Variants in SORCS3 observed in about 807,000 individuals in gnomAD.
The protein encoded by SORCS3 is sortilin related VPS10 domain containing receptor 3.
A neutral mutation model predicts 146.3 loss-of-function variants in SORCS3; 57 were observed. The ratio of observed to expected loss-of-function variants is 0.39; its 90% confidence interval spans 0.31 to 0.49. The LOEUF (loss-of-function observed/expected upper bound fraction) is 0.49, where lower values mean the gene tolerates loss of function less well. Ranked by LOEUF, SORCS3 falls within the 20% of genes least tolerant of loss-of-function variation. The pLI, the probability that SORCS3 is intolerant of heterozygous loss-of-function variation, is 0.92. For missense variants in SORCS3, 1,341 were observed against 1,575.5 expected (o/e 0.85, Z 2.52); for synonymous variants, 653 against 618.5 (o/e 1.06, Z -0.83).
intron 3 of SORCS3, among the ~76,000 whole-genome samples, chr10:104,939,174 AAGG>A (rs2019287948): frequency 2.0e-5 from 3 of 152,220 alleles, no homozygotes; most frequent in Non-Finnish European, 4.4e-5. Flanking sequence ...GGAGACGAGG[AAGG>A]AGGAGTAAAG....
intron 3 of SORCS3, among the ~76,000 whole-genome samples, 175 bp from the exon 4 acceptor site, chr10:104,977,160 G>A (rs910696429): frequency 1.1e-4 from 16 of 151,922 alleles, no homozygotes; most frequent in East Asian, 1.9e-4. Context: ...ACCTCAATTC[G>A]ACAATGAGAG....
intron 1 of SORCS3, among the ~76,000 whole-genome samples, chr10:104,643,468 G>T (rs1160335302): frequency 2.0e-5 from 3 of 152,208 alleles, no homozygotes; most frequent in Admixed American, 2.0e-4. Flanking sequence ...GTCCAGCTTC[G>T]CAGCAGCGCG....
chr10:105,224,978 G>T (rs999620765), intron 20 of SORCS3, among the ~76,000 whole-genome samples: 4 of 151,960 alleles, frequency 2.6e-5, no homozygotes, highest in African/African-American at 9.7e-5. Context: ...TATATTATTG[G>T]ATAATCTTTT....
chr10:104,981,432 A>T (rs955744256), intron 4 of SORCS3, among the ~76,000 whole-genome samples: 1 of 152,226 alleles, frequency 6.6e-6, no homozygotes, highest in Non-Finnish European at 1.5e-5. Flanking sequence ...CAAAAGCTCT[A>T]TAACTTCTTT....
At chr10:105,159,129 T>C in intron 11 of SORCS3, 135 bp downstream of exon 11, 1 of 602,420 alleles carries the variant, frequency 1.7e-6, no homozygotes, top group East Asian at 2.9e-5. Flanking sequence ...TATGCAGGGT[T>C]CCTCAATACC....
chr10:104,785,058 G>A (rs1445035333), intron 1 of SORCS3, among the ~76,000 whole-genome samples: 1 of 151,194 alleles, frequency 6.6e-6, no homozygotes, highest in Non-Finnish European at 1.5e-5. Context: ...CGGATGGGGC[G>A]GCTGGCCGGG....
Position 104,865,930 on chromosome 10 carries a change from G to T in SORCS3, c.695+23071G>T, listed in dbSNP as rs578021258. ...CTGTCCTTGGTGATGAGTCTTCATG[G>T]GAAGGAGGCATGTAGGGGTCAGAGA... On this transcript the variant is annotated intron_variant, in intron 2 of 26. Transcript: ENST00000369701. 9.2e-5 allele frequency among the ~76,000 whole-genome samples: 14 copies of T among 152,284 alleles called. No individual in the cohort carries two copies. In the East Asian group the frequency reaches 1.9e-3, roughly 21 times the overall value.
intron 7 of SORCS3, among the ~76,000 whole-genome samples, chr10:105,126,564 T>C (rs1045927959): frequency 1.3e-5 from 2 of 152,170 alleles, no homozygotes; most frequent in African/African-American, 4.8e-5. Context: ...CATACAACAC[T>C]GTGGGTATGT....
chr10:104,709,998 C>A (rs2016393399), intron 1 of SORCS3, among the ~76,000 whole-genome samples: 1 of 151,978 alleles, frequency 6.6e-6, no homozygotes, highest in Non-Finnish European at 1.5e-5. Flanking sequence ...CTTACTGCTG[C>A]CAACACATCA....
At position 104,641,408 on chromosome 10, in the gene SORCS3, G is replaced by A. The variant is rs531369089; in HGVS notation, c.81G>A (p.Thr27=). 205 of 1,463,044 alleles carry A rather than the reference G, an allele frequency of 1.4e-4. No homozygotes were observed. In the African/African-American group the frequency reaches 2.7e-3, roughly 20 times the overall value. The allele number at this position is 1,463,044 out of a possible 1,614,324, so 90.6% of individuals were successfully genotyped here. A position where few individuals can be genotyped will look rare whatever the true frequency, so the allele number is the denominator to read the frequency against. Residue 27 remains threonine, a synonymous_variant, in exon 1 of 27, where the codon ACG becomes ACA. Coordinates refer to ENST00000369701, the MANE Select transcript of SORCS3 (RefSeq NM_014978.3). The surrounding 1 kb of genome is among the most constrained non-coding windows in gnomAD (Gnocchi z 6.4). ...GGACGGGGCTCCTACTCTTGTCGAC[G>A]TGGGTCCTGGCCGGCGCCGAGATCA... The part of the protein sequence containing the change: ...LVRTGLLLLS[T]WVLAGAEITW...
chr10:104,970,647 A>C (rs537253826), intron 3 of SORCS3, among the ~76,000 whole-genome samples: 1 of 152,272 alleles, frequency 6.6e-6, no homozygotes, highest in East Asian at 1.9e-4. Flanking sequence ...AAAAAAAGTC[A>C]TTATACTGCT....
intron 14 of SORCS3, among the ~76,000 whole-genome samples, chr10:105,197,362 G>T (rs1239143969): frequency 6.6e-6 from 1 of 152,072 alleles, no homozygotes; most frequent in Non-Finnish European, 1.5e-5. Flanking sequence ...GTACTTATGT[G>T]CCATTAAGCA....
chr10:104,766,734 C>T (rs2017184418), intron 1 of SORCS3, among the ~76,000 whole-genome samples: 1 of 152,200 alleles, frequency 6.6e-6, no homozygotes, highest in African/African-American at 2.4e-5. Context: ...GAAGGAAAAG[C>T]AGAGAGCACA....
intron 4 of SORCS3, among the ~76,000 whole-genome samples, chr10:105,019,869 G>A (rs1352833596): frequency 6.6e-6 from 1 of 152,168 alleles, no homozygotes; most frequent in Non-Finnish European, 1.5e-5. Context: ...TGTAATTATT[G>A]CTGAATTAAA....
intron 3 of SORCS3, among the ~76,000 whole-genome samples, chr10:104,966,394 C>G (rs1265415529): frequency 6.6e-6 from 1 of 152,180 alleles, no homozygotes; most frequent in Non-Finnish European, 1.5e-5. Flanking sequence ...GTTTTATACT[C>G]TAAGAGCTCA....
intron 4 of SORCS3, among the ~76,000 whole-genome samples, chr10:105,013,110 A>T (rs1175740018): frequency 6.6e-6 from 1 of 152,198 alleles, no homozygotes; most frequent in Non-Finnish European, 1.5e-5. Flanking sequence ...GAAAAACTAC[A>T]TCAGTCTCTC....
At chr10:104,709,074 C>T (rs2016382660) in intron 1 of SORCS3, among the ~76,000 whole-genome samples, 1 of 152,232 alleles carries the variant, frequency 6.6e-6, no homozygotes, top group Non-Finnish European at 1.5e-5. Context: ...GTCTAGCCCT[C>T]CAGTCTCTCA....
At chr10:104,903,095 G>A (rs1407647360) in intron 2 of SORCS3, among the ~76,000 whole-genome samples, 1 of 152,150 alleles carries the variant, frequency 6.6e-6, no homozygotes, top group Non-Finnish European at 1.5e-5. Context: ...ATATGACCTG[G>A]GTTCAAGTTC....
At chr10:104,769,218 A>G (rs576611713) in intron 1 of SORCS3, among the ~76,000 whole-genome samples, 4 of 152,304 alleles carry the variant, frequency 2.6e-5, no homozygotes, top group African/African-American at 9.6e-5. Flanking sequence ...TTCAGGAGAA[A>G]TGACACTCCT....
Sources: allele counts gnomAD v4.1 joint callset (sites outside exome capture counted in the v4.1 genomes callset), GRCh38; gene constraint gnomAD v4.1.1; non-coding constraint Gnocchi (gnomAD v3.1); transcripts MANE v1.5; gene names NCBI Gene and HGNC (gene_info 2026-07-23, HGNC 2026-07-21).